CDIN1: variants seen among roughly 807,000 people sequenced by gnomAD.
CDIN1 encodes CDAN1 interacting nuclease 1.
A neutral mutation model predicts 45.3 loss-of-function variants in CDIN1; 33 were observed. That is an observed-to-expected ratio of 0.73 (90% confidence interval 0.55 to 0.97). CDIN1 has a LOEUF of 0.97. CDIN1 is among the 50% of genes least tolerant of loss of function. CDIN1 has a pLI of 0.00. For synonymous variants in CDIN1, 118 were observed against 124.4 expected, an observed-to-expected ratio of 0.95 and a Z score of 0.34; for missense variants, 303 against 339.4, an observed-to-expected ratio of 0.89 and a Z score of 0.84.
chr15:36,724,606 A>G (rs375673984), intron 10 of CDIN1, among the ~76,000 whole-genome samples: 2 of 152,170 alleles, frequency 1.3e-5, no homozygotes, highest in South Asian at 2.1e-4. Context: ...TTTAGGGATC[A>G]TCCATGGTAG....
chr15:36,729,730 C>A lies in CDIN1; in HGVS notation c.716+19769C>A, dbSNP rs139156467. On this transcript the variant is annotated intron_variant, in intron 10 of 10. Transcript: ENST00000566621. ...GCTAGAAAAAGTTGTCCTTCCCCCA[C>A]TATTTTTCTAAGATTTGTCATTTAT... Among the ~76,000 whole-genome samples the A allele has an allele frequency of 2.6e-3, 394 of 152,272 alleles. 6 individuals are homozygous for A. The highest frequency in any genetic ancestry group is 9.2e-3 in the African/African-American group (383 of 41,572).
intron 3 of CDIN1, among the ~76,000 whole-genome samples, chr15:36,652,996 A>G (rs1349550852): frequency 6.6e-6 from 1 of 152,188 alleles, no homozygotes; most frequent in African/African-American, 2.4e-5. Context: ...CATTTGTTAA[A>G]GGAAAAGTAT....
intron 5 of CDIN1, among the ~76,000 whole-genome samples, chr15:36,690,054 C>A (rs188337174): frequency 6.6e-6 from 1 of 152,170 alleles, no homozygotes; most frequent in Non-Finnish European, 1.5e-5. Context: ...GGGTGATGCT[C>A]TTTTGGAGAT....
chr15:36,802,245 G>A (rs1014263153), intron 10 of CDIN1, among the ~76,000 whole-genome samples: 1 of 152,158 alleles, frequency 6.6e-6, no homozygotes, highest in Non-Finnish European at 1.5e-5. Flanking sequence ...TACCAAATTA[G>A]TCTGTACATG....
intron 8 of CDIN1, among the ~76,000 whole-genome samples, chr15:36,701,118 G>GTAGATAGATAGATATA (rs766019218): frequency 9.3e-6 from 1 of 107,026 alleles, no homozygotes; most frequent in Admixed American, 9.7e-5. Context: ...AGATAGATAG[G>GTAGATAGATAGATATA]TAGGTAGATA....
At chr15:36,664,684 T>G (rs191390826) in intron 5 of CDIN1, among the ~76,000 whole-genome samples, 2 of 151,996 alleles carry the variant, frequency 1.3e-5, no homozygotes, top group Non-Finnish European at 2.9e-5. Context: ...GTAGCTGGGA[T>G]TACAGGCGCC....
At chr15:36,758,758 T>C (rs992894195) in intron 10 of CDIN1, among the ~76,000 whole-genome samples, 5 of 152,218 alleles carry the variant, frequency 3.3e-5, no homozygotes, top group African/African-American at 1.2e-4. Context: ...TTATTCATAC[T>C]ATGTTATTTG....
chr15:36,784,615 A>G (rs2056625031), intron 10 of CDIN1, among the ~76,000 whole-genome samples: 1 of 152,230 alleles, frequency 6.6e-6, no homozygotes, highest in Non-Finnish European at 1.5e-5. Flanking sequence ...TATTCTGTGG[A>G]TAAAATCTCC....
At chr15:36,608,208 A>G (rs1392750711) in intron 1 of CDIN1, among the ~76,000 whole-genome samples, 1 of 152,138 alleles carries the variant, frequency 6.6e-6, no homozygotes, top group Non-Finnish European at 1.5e-5. Flanking sequence ...TTGGAGCAGA[A>G]TTTCTGGGTC....
chr15:36,645,493 C>CG lies in CDIN1; in HGVS notation c.212+206_212+207insG, dbSNP rs1566862052. On this transcript the variant is annotated intron_variant, in intron 3 of 10. Coordinates refer to ENST00000566621, the MANE Select transcript of CDIN1 (RefSeq NM_001321759.2). Reference sequence around the variant, plus strand: ...AAAGAGTATGGTAAGGCTGTCTTGACTTGTGTGTGTGTGTGTGTGTGTGTG... The same window carrying CG: ...AAAGAGTATGGTAAGGCTGTCTTGACGTTGTGTGTGTGTGTGTGTGTGTGTG... 8.2e-5 allele frequency among the ~76,000 whole-genome samples: 7 copies of CG among 85,330 alleles called. No individual in the cohort carries two copies. The East Asian group carries it at 1.1e-3, about 13-fold the overall frequency. The allele number at this position is 85,330 out of a possible 152,430, so 56.0% of individuals were successfully genotyped here. A position where few individuals can be genotyped will look rare whatever the true frequency, so the allele number is the denominator to read the frequency against.
chr15:36,759,910 G>C (rs55968854), intron 10 of CDIN1, among the ~76,000 whole-genome samples: 1 of 151,980 alleles, frequency 6.6e-6, no homozygotes, highest in Non-Finnish European at 1.5e-5. Flanking sequence ...GAACCATTAG[G>C]AACTACCCCA....
chr15:36,767,978 G>T (rs1377292550), intron 10 of CDIN1, among the ~76,000 whole-genome samples: 5 of 152,146 alleles, frequency 3.3e-5, no homozygotes, highest in Non-Finnish European at 7.3e-5. Context: ...AACCACCTAA[G>T]GAAGAGAGGG....
At chr15:36,697,243 C>A in intron 7 of CDIN1, 80 bp from the exon 8 acceptor site, 1 of 1,194,250 alleles carries the variant, frequency 8.4e-7, no homozygotes, top group South Asian at 1.3e-5. Flanking sequence ...AAAATGGCTG[C>A]TCAAAGTATA....
chr15:36,699,714 A>G (rs2042564174), intron 8 of CDIN1, among the ~76,000 whole-genome samples: 1 of 152,168 alleles, frequency 6.6e-6, no homozygotes. Context: ...TACTCTTAAC[A>G]ATTGAAGGGA....
chr15:36,602,743 C>T (rs1246805548), intron 1 of CDIN1, among the ~76,000 whole-genome samples: 3 of 152,022 alleles, frequency 2.0e-5, no homozygotes, highest in African/African-American at 4.8e-5. Flanking sequence ...GAGGCCGAGG[C>T]GGGCAGATCA....
chr15:36,707,344 G>T (rs1016965400), intron 8 of CDIN1: 1 of 152,100 alleles, frequency 6.6e-6, no homozygotes, highest in Admixed American at 6.6e-5. Context: ...GAGAAAGAGA[G>T]AGAGCGAGCC....
At chr15:36,618,135 G>A in intron 1 of CDIN1, 2 of 715,802 alleles carry the variant, frequency 2.8e-6, no homozygotes, top group Non-Finnish European at 5.2e-6. Flanking sequence ...TTTGTGAATG[G>A]CATTAATTCA....
intron 10 of CDIN1, among the ~76,000 whole-genome samples, chr15:36,783,348 CTT>C (rs5811938): frequency 5.0e-4 from 74 of 148,114 alleles, no homozygotes; most frequent in East Asian, 9.8e-4. Flanking sequence ...ATTGGAGTAG[CTT>C]TTTTTTTTTT....
intron 10 of CDIN1, among the ~76,000 whole-genome samples, chr15:36,719,269 C>T (rs373137724): frequency 3.3e-5 from 5 of 152,144 alleles, no homozygotes; most frequent in African/African-American, 7.2e-5. Context: ...TTTTTGTAGA[C>T]GCCCTTTATC....
Sources: allele counts gnomAD v4.1 joint callset (sites outside exome capture counted in the v4.1 genomes callset), GRCh38; gene constraint gnomAD v4.1.1; transcripts MANE v1.5; gene names NCBI Gene and HGNC (gene_info 2026-07-23, HGNC 2026-07-21).